The following ADCY7 variants were observed in gnomAD, a reference collection of about 807,000 sequenced individuals.
ADCY7 encodes the protein adenylate cyclase type 7.
A neutral mutation model predicts 120.6 loss-of-function variants in ADCY7; 72 were observed. That is an observed-to-expected ratio of 0.60 (90% CI 0.49 to 0.73). The LOEUF is 0.73. Ranked by LOEUF, ADCY7 falls within the 30% of genes least tolerant of loss-of-function variation. ADCY7 has a pLI of 0.00. For missense variants in ADCY7, 1,227 were observed against 1,486.0 expected (o/e 0.83, Z 2.87); for synonymous variants, 661 against 628.0 (o/e 1.05, Z -0.78).
rs1218497904 is a variant in ADCY7, at chr16:50,308,661, C to G, written c.1936-6C>G. 6.2e-7 allele frequency: 1 copy of G among 1,609,768 alleles called. No homozygotes were observed. The highest frequency in any genetic ancestry group is 1.7e-5 in the Admixed American group (1 of 59,676). On this transcript the variant is annotated splice_polypyrimidine_tract_variant and splice_region_variant and intron_variant, in intron 16 of 25. Transcript: ENST00000673801. ...CTCTGGGTGACTTGACCCTGTTACC[C>G]CACAGAGGTGCTGCCCAGCTCGGGG... is the stretch of plus-strand genomic sequence containing the variant.
chr16:50,292,482 C>T, intron 4 of ADCY7, 194 bp from the exon 5 acceptor site: 1 of 641,656 alleles, frequency 1.6e-6, no homozygotes, highest in Non-Finnish European at 2.6e-6. Flanking sequence ...GTCTTGCAGT[C>T]CTAGTGACTC....
At chr16:50,271,516 G>GA (rs1344384750) in intron 1 of ADCY7, among the ~76,000 whole-genome samples, 2 of 152,168 alleles carry the variant, frequency 1.3e-5, no homozygotes, top group African/African-American at 4.8e-5. Flanking sequence ...GGGGACGGCT[G>GA]ACCTTGGGCC....
intron 1 of ADCY7, among the ~76,000 whole-genome samples, chr16:50,254,409 C>T (rs1207057415): frequency 6.6e-6 from 1 of 152,216 alleles, no homozygotes; most frequent in Admixed American, 6.5e-5. Context: ...CACCAAATAA[C>T]TGTTAGAACT....
intron 1 of ADCY7, among the ~76,000 whole-genome samples, chr16:50,270,176 C>CAGAT (rs35858506): frequency 0.24 from 33,727 of 141,094 alleles, 4,087 homozygotes; most frequent in East Asian, 0.35. Flanking sequence ...GACCCTGTCT[C>CAGAT]AGATAGATAG....
rs934293739 is a variant in ADCY7 at position 50,303,047 on chromosome 16, G to A, written c.1369-1313G>A. On this transcript the variant is annotated intron_variant, in intron 10 of 25. Transcript: ENST00000673801. ...AGTAGGCATGTGTTTGCTCAGAACT[G>A]AGGAATCTGATTTTTGTTTCTGCTT... Among the ~76,000 whole-genome samples the A allele has an allele frequency of 2.6e-5, 4 of 152,230 alleles. No individual in the cohort carries two copies. The East Asian group carries it at 7.7e-4, about 29-fold the overall frequency.
chr16:50,296,970 G>A (rs1164385084), intron 7 of ADCY7, among the ~76,000 whole-genome samples: 1 of 152,234 alleles, frequency 6.6e-6, no homozygotes, highest in African/African-American at 2.4e-5. Context: ...GAGCCCCAGA[G>A]GTTGGGCCTC....
intron 1 of ADCY7, among the ~76,000 whole-genome samples, chr16:50,250,597 T>C (rs2032730061): frequency 6.7e-6 from 1 of 148,726 alleles, no homozygotes; most frequent in Non-Finnish European, 1.5e-5. Flanking sequence ...GGTGAAACTC[T>C]GTCTCTATTT....
At position 50,313,048 on chromosome 16, in the gene ADCY7, A is replaced by G; in HGVS notation, c.2751+12A>G. Reference sequence around the variant, plus strand: ...CCGACTTCGACGAGGTACAGCCTCTAGCCCAGCCTTGCGCAGCAGCCCCCA... The same window carrying G: ...CCGACTTCGACGAGGTACAGCCTCTGGCCCAGCCTTGCGCAGCAGCCCCCA... On this transcript the variant is annotated intron_variant, in intron 22 of 25. Coordinates refer to ENST00000673801, the MANE Select transcript of ADCY7 (RefSeq NM_001114.5). 1.9e-6 allele frequency: 3 copies of G among 1,613,968 alleles called. No individual in the cohort carries two copies. Among genetic ancestry groups the G allele is most frequent in the Non-Finnish European group, 2.5e-6 (3 of 1,179,858 alleles).
intron 1 of ADCY7, among the ~76,000 whole-genome samples, chr16:50,285,478 C>G (rs2034523821): frequency 6.6e-6 from 1 of 152,196 alleles, no homozygotes; most frequent in African/African-American, 2.4e-5. Flanking sequence ...ACTTGGGGAC[C>G]CTGGATATCC....
chr16:50,309,594 C>G lies in ADCY7; in HGVS notation c.2108C>G (p.Thr703Arg). 1 of 1,613,656 alleles carries G rather than the reference C, an allele frequency of 6.2e-7. No homozygotes were observed. The highest frequency in any genetic ancestry group is 8.5e-7 in the Non-Finnish European group (1 of 1,180,018). ...CCAGAGCTGCCTGTTGGCAATGAGA[C>G]AGGCCTACTGGCCGCGAGCAGCAAG... ...QVPELPVGNE[T>R]GLLAASSKTR... Residue 703 changes from threonine to arginine, a missense_variant, in exon 18 of 26, where the codon ACA becomes AGA. By Grantham distance (71) the Thr-to-Arg change is moderately conservative. Transcript: ENST00000673801.
At chr16:50,314,591 G>C (rs2036689188) in intron 24 of ADCY7, 185 bp downstream of exon 24, 3 of 561,318 alleles carry the variant, frequency 5.3e-6, no homozygotes, top group African/African-American at 1.9e-5. Context: ...AGTTACCATT[G>C]AGAGTTTTAA....
At chr16:50,313,690 A>G in intron 22 of ADCY7, 1 of 423,374 alleles carries the variant, frequency 2.4e-6, no homozygotes, top group East Asian at 3.7e-5. Context: ...ATTCCTGTGT[A>G]GATAATGCTG....
At chr16:50,277,547 G>A (rs1204355988) in intron 1 of ADCY7, among the ~76,000 whole-genome samples, 1 of 152,086 alleles carries the variant, frequency 6.6e-6, no homozygotes, top group Non-Finnish European at 1.5e-5. Context: ...TTTAAAGATG[G>A]GGATTTTGCT....
At chr16:50,283,309 G>T (rs1008126247) in intron 1 of ADCY7, among the ~76,000 whole-genome samples, 1 of 152,228 alleles carries the variant, frequency 6.6e-6, no homozygotes, top group Non-Finnish European at 1.5e-5. Flanking sequence ...ACCCCAGGAG[G>T]TGTTGCCAGG....
rs765218622 is a variant in ADCY7, at chr16:50,313,307, C to T, written c.2751+271C>T. ...TTGGGGCGCACACCTGTAATCCCAGCTACTTGGGAGGCTGAGGCAGGAGAA... is the reference window on the plus strand; with the variant it reads ...TTGGGGCGCACACCTGTAATCCCAGTTACTTGGGAGGCTGAGGCAGGAGAA... On this transcript the variant is annotated intron_variant, in intron 22 of 25. Coordinates refer to ENST00000673801, the MANE Select transcript of ADCY7 (RefSeq NM_001114.5). The T allele has an allele frequency of 4.0e-5, 13 of 324,968 alleles. No homozygotes were observed. The Middle Eastern group carries it at 3.2e-3, about 81-fold the overall frequency. 20.1% of individuals were successfully genotyped at this position (324,968 alleles called of 1,614,324 possible). A position where few individuals can be genotyped will look rare whatever the true frequency, so the allele number is the denominator to read the frequency against.
chr16:50,298,354 G>A (rs1055010533), intron 7 of ADCY7, among the ~76,000 whole-genome samples: 7 of 152,074 alleles, frequency 4.6e-5, no homozygotes, highest in Non-Finnish European at 2.9e-5. Flanking sequence ...CGGCTCTCTC[G>A]GTTCCTCGGG....
At chr16:50,296,158 TCCTCCCACTTCAG>T (rs2035335960) in intron 7 of ADCY7, among the ~76,000 whole-genome samples, 1 of 152,132 alleles carries the variant, frequency 6.6e-6, no homozygotes, top group East Asian at 1.9e-4. Flanking sequence ...GGCTCAGGCG[TCCTCCCACTTCAG>T]CCTCCCGAGC....
rs113482785 is a variant in ADCY7 at position 50,291,915 on chromosome 16, G to A, written c.537+18G>A. The A allele has an allele frequency of 3.0e-4, 469 of 1,588,970 alleles. 1 individual carries two copies. In the African/African-American group the frequency reaches 5.6e-3, roughly 19 times the overall value. On this transcript the variant is annotated intron_variant, in intron 4 of 25. Transcript: ENST00000673801. ...GGCTGCAGGTGAGGGATGGGCTAAG[G>A]CCTCTGGGGGAGGTTTTGTGGTCTG...
chr16:50,299,040 T>C lies in ADCY7; in HGVS notation c.1076+9T>C, dbSNP rs1387594589. 1 of 1,606,014 alleles carries C rather than the reference T, an allele frequency of 6.2e-7. No homozygotes were observed. Among genetic ancestry groups the C allele is most frequent in the Admixed American group, 1.7e-5 (1 of 59,754 alleles). On this transcript the variant is annotated intron_variant, in intron 8 of 25. Transcript: ENST00000673801. ...ATGTGCCAGGCCATCAAGTAGGTCCTGGGCGGGCCCAGGCCCTGGGTCCTG... is the reference window on the plus strand; with the variant it reads ...ATGTGCCAGGCCATCAAGTAGGTCCCGGGCGGGCCCAGGCCCTGGGTCCTG...
Sources: gnomAD v4.1 joint callset for allele counts (sites outside exome capture counted in the v4.1 genomes callset) on GRCh38, gnomAD v4.1.1 for gene constraint, MANE v1.5 for transcripts, NCBI Gene and HGNC (gene_info 2026-07-23, HGNC 2026-07-21) for gene names.